NOSTRIN: variants seen among roughly 807,000 people sequenced by gnomAD.
NOSTRIN encodes the protein BM247 homolog.
In NOSTRIN, 63 loss-of-function variants were observed where a neutral mutation model predicts 59.0. The ratio of observed to expected loss-of-function variants is 1.07; its 90% CI spans 0.87 to 1.32. NOSTRIN has a LOEUF of 1.32. Among genes scored for constraint, NOSTRIN ranks in the 40% most tolerant of loss-of-function variants. The probability of loss-of-function intolerance (pLI) is 0.00; values close to 1 mark genes in which losing one functional copy is unlikely to be tolerated. For missense variants in NOSTRIN, 512 were observed against 473.1 expected (o/e 1.08, Z -0.76); for synonymous variants, 200 against 165.4 (o/e 1.21, Z -1.61).
chr2:168,799,705 G>A (rs149375166), upstream of NOSTRIN, among the ~76,000 whole-genome samples: 18 of 152,288 alleles, frequency 1.2e-4, no homozygotes, highest in African/African-American at 3.9e-4. Flanking sequence ...TCTTCCTAAC[G>A]CCAGTCTGCT....
intron 14 of NOSTRIN, among the ~76,000 whole-genome samples, chr2:168,861,655 A>C (rs916698168): frequency 6.6e-6 from 1 of 152,210 alleles, no homozygotes; most frequent in African/African-American, 2.4e-5. Context: ...AAACTGGTGA[A>C]TGTTTTCCAA....
At chr2:168,837,158 C>G (rs963532773) in intron 7 of NOSTRIN, among the ~76,000 whole-genome samples, 9 of 152,074 alleles carry the variant, frequency 5.9e-5, no homozygotes, top group African/African-American at 2.2e-4. Flanking sequence ...CACAAATAGT[C>G]TATTGCATCT....
intron 1 of NOSTRIN, among the ~76,000 whole-genome samples, chr2:168,808,177 G>A (rs1169998153): frequency 6.6e-6 from 1 of 152,138 alleles, no homozygotes; most frequent in African/African-American, 2.4e-5. Context: ...TTCTCAACTG[G>A]TTCTACTCAT....
At chr2:168,848,501 G>A (rs1413172146) in intron 8 of NOSTRIN, among the ~76,000 whole-genome samples, 1 of 152,230 alleles carries the variant, frequency 6.6e-6, no homozygotes, top group Non-Finnish European at 1.5e-5. Context: ...GATGTTCATA[G>A]TTACTGCCTG....
intron 5 of NOSTRIN, among the ~76,000 whole-genome samples, chr2:168,830,878 G>C (rs1263075154): frequency 6.6e-6 from 1 of 152,140 alleles, no homozygotes; most frequent in East Asian, 1.9e-4. Flanking sequence ...GCTCATGCAA[G>C]GGCCTGTTAC....
chr2:168,859,652 G>C lies in NOSTRIN; in HGVS notation c.1179+15G>C, dbSNP rs1689322324. 1 of 1,611,418 alleles carries C rather than the reference G, an allele frequency of 6.2e-7. No homozygotes were observed. The highest frequency in any genetic ancestry group is 2.2e-5 in the East Asian group (1 of 44,790). On this transcript the variant is annotated intron_variant, in intron 13 of 15. Coordinates refer to ENST00000317647, the MANE Select transcript of NOSTRIN (RefSeq NM_001039724.4). The stretch of plus-strand genomic sequence containing the variant: ...GGAGGGAAAAGGTAACATTTAAGGA[G>C]ACTGGTTGTAATTTCTTGATTGGGC...
At chr2:168,815,079 ATACCAGAGGCAG>A (rs978571751) in intron 2 of NOSTRIN, among the ~76,000 whole-genome samples, 5 of 152,172 alleles carry the variant, frequency 3.3e-5, no homozygotes, top group Admixed American at 1.3e-4. Flanking sequence ...TAGCACTTGG[ATACCAGAGGCAG>A]CACCACAATC....
chr2:168,804,682 ATTAGC>A (rs1405993816), intron 1 of NOSTRIN, among the ~76,000 whole-genome samples: 4 of 152,198 alleles, frequency 2.6e-5, no homozygotes, highest in African/African-American at 9.7e-5. Flanking sequence ...TTCATAAAGT[ATTAGC>A]TTAGCTACTG....
Position 168,864,832 on chromosome 2 carries a change from A to G in NOSTRIN, c.1385-2A>G. ...CCCATTTGTCTAACTGTATTTTCAC[A>G]GGTGACATTGTGATTATACACGAGA... On this transcript the variant is annotated splice_acceptor_variant, in intron 15 of 15. Transcript: ENST00000317647. LOFTEE classifies it high-confidence loss of function. The G allele has an allele frequency of 2.5e-6, 4 of 1,613,728 alleles. No individual in the cohort carries two copies. The highest frequency in any genetic ancestry group is 3.4e-6 in the Non-Finnish European group (4 of 1,179,730).
chr2:168,799,209 C>T (rs1218542168), upstream of NOSTRIN, among the ~76,000 whole-genome samples: 4 of 152,318 alleles, frequency 2.6e-5, no homozygotes, highest in Middle Eastern at 3.4e-3. Context: ...TGAAACTATG[C>T]TCTTGGGTTG....
chr2:168,832,709 C>T (rs1374488095), intron 6 of NOSTRIN, among the ~76,000 whole-genome samples: 2 of 152,284 alleles, frequency 1.3e-5, no homozygotes, highest in East Asian at 1.9e-4. Context: ...AAAGTAAAGT[C>T]CCAGAAACAG....
intron 10 of NOSTRIN, among the ~76,000 whole-genome samples, chr2:168,854,838 T>G (rs891456832): frequency 1.2e-4 from 18 of 152,160 alleles, no homozygotes; most frequent in Admixed American, 3.9e-4. Context: ...AATGTTATGC[T>G]TCAAGGCCTA....
chr2:168,863,500 T>C, intron 15 of NOSTRIN: 1 of 985,408 alleles, frequency 1.0e-6, no homozygotes, highest in African/African-American at 1.7e-5. Flanking sequence ...CAGATCTTTC[T>C]ACTTTTATGA....
At position 168,792,333 on chromosome 2, in the gene NOSTRIN, A is replaced by G. The variant is rs549819103; in HGVS notation, c.-473+4285A>G. On this transcript the variant is annotated intron_variant, in intron 2 of 20. Coordinates refer to the NOSTRIN transcript ENST00000458381. ...ATTTAGTGAAAGAAAAAAATGCATT[A>G]AATAAAACTTCTTGAGAATTCTAAA... 3.0e-3 allele frequency among the ~76,000 whole-genome samples: 452 copies of G among 151,152 alleles called. 2 individuals are homozygous for G. Among genetic ancestry groups the G allele is most frequent in the Non-Finnish European group, 5.4e-3 (368 of 68,010 alleles).
At chr2:168,864,223 C>T (rs1386434549) in intron 15 of NOSTRIN, among the ~76,000 whole-genome samples, 2 of 151,782 alleles carry the variant, frequency 1.3e-5, no homozygotes, top group African/African-American at 2.4e-5. Context: ...CTAATCTGCC[C>T]ATCGCGGCCT....
upstream of NOSTRIN, among the ~76,000 whole-genome samples, chr2:168,796,915 C>G (rs1039021857): frequency 1.3e-5 from 2 of 151,982 alleles, no homozygotes; most frequent in East Asian, 1.9e-4. Flanking sequence ...GAGAAACTTG[C>G]GAATGAAGTC....
At chr2:168,813,880 T>A (rs1686274135) in intron 2 of NOSTRIN, among the ~76,000 whole-genome samples, 2 of 152,218 alleles carry the variant, frequency 1.3e-5, no homozygotes, top group African/African-American at 4.8e-5. Context: ...AGCTAAACTT[T>A]TACAATTAAA....
At chr2:168,852,512 G>T (rs530050141) in intron 10 of NOSTRIN, among the ~76,000 whole-genome samples, 2 of 152,298 alleles carry the variant, frequency 1.3e-5, no homozygotes, top group East Asian at 3.9e-4. Context: ...CCTGCAGAAA[G>T]AATTCTGATA....
At chr2:168,844,786 C>T (rs1308724152) in intron 8 of NOSTRIN, among the ~76,000 whole-genome samples, 3 of 151,712 alleles carry the variant, frequency 2.0e-5, no homozygotes, top group African/African-American at 4.8e-5. Context: ...AGGAGAATGG[C>T]GTGAACCCGG....
Sources: allele counts gnomAD v4.1 joint callset (sites outside exome capture counted in the v4.1 genomes callset), GRCh38; gene constraint gnomAD v4.1.1; transcripts MANE v1.5; gene names NCBI Gene and HGNC (gene_info 2026-07-23, HGNC 2026-07-21).